EMP2: variants seen among roughly 807,000 people sequenced by gnomAD.
The protein encoded by EMP2 is epithelial membrane protein 2.
Under a neutral mutation model 13.7 loss-of-function variants are expected in EMP2, and 19 were observed. The observed-to-expected ratio is 1.38, with a 90% confidence interval of 0.97 to 2.03. The LOEUF (loss-of-function observed/expected upper bound fraction) is 2.03. Among genes scored for constraint, EMP2 ranks in the 30% most tolerant of loss-of-function variants. EMP2 has a pLI of 0.00. For synonymous variants in EMP2, 97 were observed against 84.7 expected, an observed-to-expected ratio of 1.15 and a Z score of -0.80; for missense variants, 253 against 220.7, an observed-to-expected ratio of 1.15 and a Z score of -0.93.
intron 1 of EMP2, among the ~76,000 whole-genome samples, chr16:10,571,984 G>A (rs34228788): frequency 0.34 from 51,770 of 152,044 alleles, 9,209 homozygotes; most frequent in Non-Finnish European, 0.39. Context: ...GAATTTCAAG[G>A]CACTTTCCAC....
chr16:10,578,327 T>C (rs551681785), intron 1 of EMP2: 33 of 152,224 alleles, frequency 2.2e-4, no homozygotes, highest in African/African-American at 7.7e-4. Context: ...ACTACGAAGA[T>C]ATTATGTGAG....
At chr16:10,541,729 T>G (rs2354412) in intron 3 of EMP2, among the ~76,000 whole-genome samples, 1 of 151,876 alleles carries the variant, frequency 6.6e-6, no homozygotes, top group Admixed American at 6.6e-5. Context: ...TGGTTAAGGG[T>G]ACTGGCTTTA....
chr16:10,562,336 T>TTC (rs540802206), intron 1 of EMP2, among the ~76,000 whole-genome samples: 10,138 of 123,892 alleles, frequency 0.082, 447 homozygotes, highest in East Asian at 0.13. Flanking sequence ...CTCATGCATG[T>TTC]TCTCTCTCTC....
intron 1 of EMP2, among the ~76,000 whole-genome samples, chr16:10,569,031 A>C (rs1424923418): frequency 6.6e-6 from 1 of 151,908 alleles, no homozygotes; most frequent in Non-Finnish European, 1.5e-5. Context: ...CAGGTGATCC[A>C]CCCACCTTGG....
At chr16:10,536,633 G>C (rs923323257) in intron 4 of EMP2, among the ~76,000 whole-genome samples, 1 of 152,060 alleles carries the variant, frequency 6.6e-6, no homozygotes, top group Non-Finnish European at 1.5e-5. Context: ...ACCCAGTCTC[G>C]GGTATGTCTT....
At chr16:10,576,754 C>T (rs1230679975) in intron 1 of EMP2, 3 of 152,176 alleles carry the variant, frequency 2.0e-5, no homozygotes, top group African/African-American at 7.2e-5. Context: ...ACTTTAGCAG[C>T]TACTCATTAA....
In EMP2 at chr16:10,532,812, G is replaced by A; in HGVS notation, c.*93C>T. On this transcript the variant is annotated 3_prime_UTR_variant, in exon 5 of 5. Transcript: ENST00000359543. ...GGCTTTTAAAGGAAACAATACGTTT[G>A]CTAGAAAAACCTCAAAAAATAATGA... The A allele has an allele frequency of 3.9e-6, 1 of 258,936 alleles. No homozygotes were observed. 16.0% of individuals were successfully genotyped at this position (258,936 alleles called of 1,614,324 possible).
Position 10,532,763 on chromosome 16 carries a change from T to TG in EMP2, c.*141_*142insC. ...GGATTTTTTTTTTCTTTTTTCTTTT[T>TG]TTTTTTTTTTTTTTTTTTTTTTTGG... On this transcript the variant is annotated 3_prime_UTR_variant, in exon 5 of 5. Transcript: ENST00000359543. The TG allele has an allele frequency of 4.7e-6, 1 of 212,574 alleles. No homozygotes were observed. 13.2% of individuals were successfully genotyped at this position (212,574 alleles called of 1,614,324 possible).
Position 10,558,040 on chromosome 16 carries a change from T to C in EMP2, c.-60-10363A>G, listed in dbSNP as rs79858973. On this transcript the variant is annotated intron_variant, in intron 1 of 4. Coordinates refer to ENST00000359543, the MANE Select transcript of EMP2 (RefSeq NM_001424.6). Reference sequence around the variant, plus strand: ...GCTCAGTGAGTTTCAAGTTTTTTTTTTTTTTTTTAAACAGGATCTCTCTCT... The same window carrying C: ...GCTCAGTGAGTTTCAAGTTTTTTTTCTTTTTTTTAAACAGGATCTCTCTCT... Among the ~76,000 whole-genome samples the C allele has an allele frequency of 5.7e-4, 87 of 151,664 alleles. 3 individuals carry two copies. The East Asian group carries it at 0.013, about 22-fold the overall frequency.
intron 4 of EMP2, among the ~76,000 whole-genome samples, chr16:10,537,496 T>G (rs970569212): frequency 6.6e-6 from 1 of 152,190 alleles, no homozygotes; most frequent in African/African-American, 2.4e-5. Context: ...TGGCCCTGCC[T>G]GCCCTGCTGG....
intron 1 of EMP2, among the ~76,000 whole-genome samples, chr16:10,557,136 C>A (rs939163150): frequency 4.6e-5 from 7 of 152,112 alleles, no homozygotes; most frequent in African/African-American, 1.7e-4. Flanking sequence ...GCGGGCAGAT[C>A]GCTTGAGGCC....
rs878927571 is a variant in EMP2 at position 10,532,758 on chromosome 16, C to CTTTTTTTTTTTTTTTTTTTTTTTTTTTTT, written c.*146_*147insAAAAAAAAAAAAAAAAAAAAAAAAAAAAA. ...CTTTTGGATTTTTTTTTTCTTTTTT[C>CTTTTTTTTTTTTTTTTTTTTTTTTTTTTT]TTTTTTTTTTTTTTTTTTTTTTTTT... is the stretch of plus-strand genomic sequence containing the variant. On this transcript the variant is annotated 3_prime_UTR_variant, in exon 5 of 5. Coordinates refer to ENST00000359543, the MANE Select transcript of EMP2 (RefSeq NM_001424.6). 32 of 182,524 alleles carry CTTTTTTTTTTTTTTTTTTTTTTTTTTTTT rather than the reference C, an allele frequency of 1.8e-4. No individual in the cohort carries two copies. Among genetic ancestry groups the CTTTTTTTTTTTTTTTTTTTTTTTTTTTTT allele is most frequent in the Admixed American group, 4.6e-4 (3 of 6,508 alleles). The allele number at this position is 182,524 out of a possible 1,614,324, so 11.3% of individuals were successfully genotyped here.
chr16:10,555,187 A>T (rs2142192541), intron 1 of EMP2, among the ~76,000 whole-genome samples: 1 of 152,254 alleles, frequency 6.6e-6, no homozygotes, highest in Admixed American at 6.5e-5. Flanking sequence ...CTACTCCTCC[A>T]ATCACCCTAT....
chr16:10,549,406 C>G (rs2050765053), intron 1 of EMP2, among the ~76,000 whole-genome samples: 1 of 152,118 alleles, frequency 6.6e-6, no homozygotes, highest in African/African-American at 2.4e-5. Context: ...CTTTAACTAT[C>G]AAACAATTAA....
chr16:10,553,344 G>C (rs1309429732), intron 1 of EMP2, among the ~76,000 whole-genome samples: 1 of 152,152 alleles, frequency 6.6e-6, no homozygotes, highest in Non-Finnish European at 1.5e-5. Flanking sequence ...TCCGTGTGGC[G>C]GTAGCCGTAC....
At chr16:10,552,186 G>A (rs1337297604) in intron 1 of EMP2, among the ~76,000 whole-genome samples, 1 of 149,856 alleles carries the variant, frequency 6.7e-6, no homozygotes, top group Non-Finnish European at 1.5e-5. Flanking sequence ...GTACCACGCT[G>A]AATGCCCTGT....
At chr16:10,566,151 A>G (rs9934150) in intron 1 of EMP2, among the ~76,000 whole-genome samples, 5 of 152,242 alleles carry the variant, frequency 3.3e-5, no homozygotes, top group Admixed American at 6.5e-5. Flanking sequence ...CTTCAGAACA[A>G]GGGTTCCCAA....
chr16:10,579,896 G>A (rs1567213082), intron 1 of EMP2, among the ~76,000 whole-genome samples: 1 of 152,184 alleles, frequency 6.6e-6, no homozygotes, highest in East Asian at 1.9e-4. Flanking sequence ...TGGATTTGGG[G>A]AGGGCGTAGA....
At chr16:10,555,918 T>C (rs2050824194) in intron 1 of EMP2, among the ~76,000 whole-genome samples, 1 of 152,200 alleles carries the variant, frequency 6.6e-6, no homozygotes. Flanking sequence ...TTCAGCTGTT[T>C]CTACTCTTCT....
Sources: gnomAD v4.1 joint callset for allele counts (sites outside exome capture counted in the v4.1 genomes callset) on GRCh38, gnomAD v4.1.1 for gene constraint, MANE v1.5 for transcripts, NCBI Gene and HGNC (gene_info 2026-07-23, HGNC 2026-07-21) for gene names.